Variants in PTPRN2 observed in about 807,000 individuals in gnomAD.
PTPRN2 encodes protein tyrosine phosphatase receptor type N2.
PTPRN2 carries 74 observed loss-of-function variants against 118.8 expected under a neutral mutation model. That is an observed-to-expected ratio of 0.62 (90% CI 0.52 to 0.76). The LOEUF (loss-of-function observed/expected upper bound fraction) is 0.76. PTPRN2 is among the 30% of genes least tolerant of loss of function. The pLI, the probability that PTPRN2 is intolerant of heterozygous loss-of-function variation, is 0.00. For missense variants in PTPRN2, 1,481 were observed against 1,394.4 expected, an observed-to-expected ratio of 1.06 and a Z score of -0.99; for synonymous variants, 641 against 608.0, an observed-to-expected ratio of 1.05 and a Z score of -0.80.
chr7:158,033,218 T>C (rs1217703145), intron 11 of PTPRN2, among the ~76,000 whole-genome samples: 1 of 110,398 alleles, frequency 9.1e-6, no homozygotes, highest in African/African-American at 4.0e-5. Flanking sequence ...CCAAGCCTGA[T>C]GGAGCCATCA....
At chr7:157,733,110 T>C (rs1323824529) in intron 12 of PTPRN2, among the ~76,000 whole-genome samples, 3 of 27,914 alleles carry the variant, frequency 1.1e-4, no homozygotes, top group Admixed American at 4.0e-4. Flanking sequence ...GCACAGTTAC[T>C]CTTTCCCGTC....
chr7:158,310,346 T>C (rs566357684), intron 3 of PTPRN2, among the ~76,000 whole-genome samples: 1 of 152,310 alleles, frequency 6.6e-6, no homozygotes, highest in Admixed American at 6.5e-5. Context: ...CCATCATGAA[T>C]GGAATGCTGG....
At chr7:157,678,639 G>C (rs1185893196) in intron 13 of PTPRN2, among the ~76,000 whole-genome samples, 3 of 152,200 alleles carry the variant, frequency 2.0e-5, no homozygotes, top group South Asian at 4.1e-4. Flanking sequence ...AGCAGCGACC[G>C]AGACGTGCAC....
At chr7:157,555,057 C>G (rs535593174) in intron 21 of PTPRN2, among the ~76,000 whole-genome samples, 2 of 149,338 alleles carry the variant, frequency 1.3e-5, no homozygotes, top group African/African-American at 5.2e-5. Flanking sequence ...CTGGGACACC[C>G]AGGAAGACCC....
chr7:157,838,162 GC>G (rs1808110278), intron 12 of PTPRN2, among the ~76,000 whole-genome samples: 1 of 147,064 alleles, frequency 6.8e-6, no homozygotes, highest in African/African-American at 2.6e-5. Flanking sequence ...TCTCCACTAT[GC>G]CTACTCCAGT....
intron 3 of PTPRN2, among the ~76,000 whole-genome samples, chr7:158,285,702 T>G (rs890729674): frequency 6.6e-6 from 1 of 152,208 alleles, no homozygotes; most frequent in Non-Finnish European, 1.5e-5. Flanking sequence ...CCTTGTCTGA[T>G]CAGGGTGGAA....
chr7:157,641,042 A>G (rs1258372420), intron 14 of PTPRN2, among the ~76,000 whole-genome samples: 1 of 152,222 alleles, frequency 6.6e-6, no homozygotes, highest in Non-Finnish European at 1.5e-5. Flanking sequence ...CAAACGGTTG[A>G]TTTCAGGATA....
At chr7:157,788,520 A>T (rs1027750001) in intron 12 of PTPRN2, among the ~76,000 whole-genome samples, 2 of 152,176 alleles carry the variant, frequency 1.3e-5, no homozygotes, top group Non-Finnish European at 2.9e-5. Context: ...ACAGGCCTCC[A>T]CGGGGCTGGA....
intron 1 of PTPRN2, among the ~76,000 whole-genome samples, chr7:158,550,070 C>G (rs1826545581): frequency 6.6e-6 from 1 of 152,180 alleles, no homozygotes. Flanking sequence ...CACGAGAGCA[C>G]ACATCCTCAG....
At chr7:157,797,996 T>C (rs925948865) in intron 12 of PTPRN2, among the ~76,000 whole-genome samples, 2 of 152,204 alleles carry the variant, frequency 1.3e-5, no homozygotes, top group East Asian at 1.9e-4. Flanking sequence ...TCGTGGCTCA[T>C]GCCTGTAATC....
intron 6 of PTPRN2, 117 bp downstream of exon 6, chr7:158,166,814 T>A: frequency 7.9e-7 from 1 of 1,269,826 alleles, no homozygotes; most frequent in South Asian, 2.5e-5. Context: ...CCACGCGTCC[T>A]CGGGGGAGTG....
At chr7:157,749,960 C>T (rs2907687) in intron 12 of PTPRN2, among the ~76,000 whole-genome samples, 17,978 of 102,768 alleles carry the variant, frequency 0.17, 2,323 homozygotes, top group African/African-American at 0.31. Flanking sequence ...CCTGTGTCCC[C>T]GAGCTGTGGG....
chr7:157,627,185 G>T lies in PTPRN2; in HGVS notation c.2197-5676C>A, dbSNP rs926330316. On this transcript the variant is annotated intron_variant, in intron 14 of 22. Transcript: ENST00000389418. The surrounding 1 kb of genome is among the most constrained non-coding windows in gnomAD (Gnocchi z 4.2). ...CAGTGTGCACCGCACCTGCAGCTGG[G>T]TCTCCTCCGGGGCGTGAGCTCCTGG... Among the ~76,000 whole-genome samples, 1 of 151,580 alleles carries T rather than the reference G, an allele frequency of 6.6e-6. No homozygotes were observed. Among genetic ancestry groups the T allele is most frequent in the Non-Finnish European group, 1.5e-5 (1 of 67,982 alleles).
At chr7:158,289,399 G>A (rs1311890331) in intron 3 of PTPRN2, among the ~76,000 whole-genome samples, 1 of 152,066 alleles carries the variant, frequency 6.6e-6, no homozygotes, top group Non-Finnish European at 1.5e-5. Context: ...CAAATAACCT[G>A]TCTTTAAGTT....
At chr7:158,234,114 G>C (rs1380997705) in intron 3 of PTPRN2, among the ~76,000 whole-genome samples, 1 of 151,928 alleles carries the variant, frequency 6.6e-6, no homozygotes, top group Non-Finnish European at 1.5e-5. Context: ...AGCAAATAAA[G>C]ATAAAATGAG....
chr7:158,451,608 T>C (rs1818101621), intron 2 of PTPRN2, among the ~76,000 whole-genome samples: 1 of 152,194 alleles, frequency 6.6e-6, no homozygotes, highest in Non-Finnish European at 1.5e-5. Flanking sequence ...GAGGTCCTTC[T>C]GTGTCAGCCC....
rs975208262 is a variant in PTPRN2, at chr7:157,893,988, G to A, written c.1788+4685C>T. Among the ~76,000 whole-genome samples, 1 of 152,152 alleles carries A rather than the reference G, an allele frequency of 6.6e-6. No homozygotes were observed. The highest frequency in any genetic ancestry group is 2.4e-5 in the African/African-American group (1 of 41,426). ...GAGGAAACAATGGGCCTTATTCCTCGATACACCTCCAGCTTCACCTGGAAT... is the reference window on the plus strand; with the variant it reads ...GAGGAAACAATGGGCCTTATTCCTCAATACACCTCCAGCTTCACCTGGAAT... On this transcript the variant is annotated intron_variant, in intron 12 of 22. Transcript: ENST00000389418. The surrounding 1 kb of genome is among the most constrained non-coding windows in gnomAD (Gnocchi z 4.0).
intron 20 of PTPRN2, among the ~76,000 whole-genome samples, chr7:157,569,756 A>G (rs1389713284): frequency 6.6e-6 from 1 of 152,268 alleles, no homozygotes; most frequent in Admixed American, 6.5e-5. Flanking sequence ...ACTGGGTTGC[A>G]TGAGTTTGAG....
chr7:158,491,610 C>T (rs1563354088), intron 1 of PTPRN2, among the ~76,000 whole-genome samples: 1 of 152,126 alleles, frequency 6.6e-6, no homozygotes, highest in Non-Finnish European at 1.5e-5. Context: ...CTGCCTCAGC[C>T]TCCCAAGTGG....
Sources: allele counts gnomAD v4.1 joint callset (sites outside exome capture counted in the v4.1 genomes callset), GRCh38; gene constraint gnomAD v4.1.1; non-coding constraint Gnocchi (gnomAD v3.1); transcripts MANE v1.5; gene names NCBI Gene and HGNC (gene_info 2026-07-23, HGNC 2026-07-21).